The following FGF7 variants were observed in gnomAD, a reference collection of about 807,000 sequenced individuals.
The protein encoded by FGF7 is FGF-7.
FGF7 carries 6 observed loss-of-function variants against 20.5 expected under a neutral mutation model. The observed-to-expected ratio is 0.29, with a 90% confidence interval of 0.16 to 0.58. The LOEUF (loss-of-function observed/expected upper bound fraction) is 0.58. FGF7 is among the 20% of genes least tolerant of loss of function. The probability of loss-of-function intolerance (pLI) is 0.90; values close to 1 mark genes in which losing one functional copy is unlikely to be tolerated. For missense variants in FGF7, 144 were observed against 228.8 expected (o/e 0.63, Z 2.39); for synonymous variants, 64 against 74.7 (o/e 0.86, Z 0.74).
At chr15:49,463,042 A>G (rs919144425) in intron 2 of FGF7, among the ~76,000 whole-genome samples, 2 of 152,194 alleles carry the variant, frequency 1.3e-5, no homozygotes, top group Non-Finnish European at 2.9e-5. Context: ...TTCAGGATCT[A>G]TATGAACCAT....
intron 2 of FGF7, among the ~76,000 whole-genome samples, chr15:49,433,450 T>C (rs1053331289): frequency 4.0e-5 from 6 of 151,730 alleles, no homozygotes; most frequent in African/African-American, 1.5e-4. Flanking sequence ...ATCCTTTAAT[T>C]TATTACACAT....
chr15:49,479,013 G>T (rs757960356), intron 2 of FGF7, among the ~76,000 whole-genome samples: 49 of 152,056 alleles, frequency 3.2e-4, no homozygotes, highest in Non-Finnish European at 5.6e-4. Context: ...TTCATTCCAA[G>T]TGTGATACAG....
chr15:49,431,222 T>C (rs931367353), intron 2 of FGF7, among the ~76,000 whole-genome samples: 1 of 151,758 alleles, frequency 6.6e-6, no homozygotes, highest in African/African-American at 2.4e-5. Flanking sequence ...CTCAAATAGG[T>C]TGTAAATGAA....
In FGF7 at chr15:49,485,683, C is replaced by G. The variant is rs1004767045; in HGVS notation, c.*1179C>G. 2.0e-5 allele frequency: 3 copies of G among 152,324 alleles called. No individual in the cohort carries two copies. In the South Asian group the frequency reaches 6.2e-4, roughly 32 times the overall value. 9.4% of individuals were successfully genotyped at this position (152,324 alleles called of 1,614,324 possible). A position where few individuals can be genotyped will look rare whatever the true frequency, so the allele number is the denominator to read the frequency against. Reference sequence around the variant, plus strand: ...AATAGATGTCTCACACAGAACAATACAAATATGTAAAAAATCTTTCACCAC... The same window carrying G: ...AATAGATGTCTCACACAGAACAATAGAAATATGTAAAAAATCTTTCACCAC... On this transcript the variant is annotated 3_prime_UTR_variant, in exon 4 of 4. Transcript: ENST00000267843.
chr15:49,472,664 G>C (rs1470113755), intron 2 of FGF7, among the ~76,000 whole-genome samples: 1 of 152,142 alleles, frequency 6.6e-6, no homozygotes, highest in East Asian at 1.9e-4. Flanking sequence ...ACATCACAAT[G>C]AATGACATTA....
chr15:49,425,327 T>C (rs768195036), intron 2 of FGF7: 1 of 152,028 alleles, frequency 6.6e-6, no homozygotes, highest in Non-Finnish European at 1.5e-5. Context: ...CTTACATTTT[T>C]CCCAAGAATC....
intron 2 of FGF7, among the ~76,000 whole-genome samples, chr15:49,464,096 T>C (rs2054054197): frequency 6.6e-6 from 1 of 152,180 alleles, no homozygotes; most frequent in East Asian, 1.9e-4. Context: ...TTAGTTTCAT[T>C]GGCTAACTAC....
intron 2 of FGF7, among the ~76,000 whole-genome samples, chr15:49,437,184 G>A (rs937975922): frequency 1.3e-5 from 2 of 151,302 alleles, no homozygotes; most frequent in Admixed American, 1.3e-4. Context: ...ATATTAAATT[G>A]TATATATACA....
intron 2 of FGF7, among the ~76,000 whole-genome samples, chr15:49,440,193 T>G (rs1329970914): frequency 1.3e-5 from 2 of 151,826 alleles, no homozygotes; most frequent in African/African-American, 4.8e-5. Flanking sequence ...TTAAACCCAC[T>G]GTGTAAACAA....
chr15:49,487,087 A>G lies in FGF7; in HGVS notation c.*2583A>G, dbSNP rs2056457448. 1 of 151,894 alleles carries G rather than the reference A, an allele frequency of 6.6e-6. No homozygotes were observed. The highest frequency in any genetic ancestry group is 2.1e-4 in the South Asian group (1 of 4,826). The allele number at this position is 151,894 out of a possible 1,614,324, so 9.4% of individuals were successfully genotyped here. A position where few individuals can be genotyped will look rare whatever the true frequency, so the allele number is the denominator to read the frequency against. Reference sequence around the variant, plus strand: ...TTATTTCTGTTGAGATATAGCCTTTACATTTGTACACAAATGTGACTATGT... The same window carrying G: ...TTATTTCTGTTGAGATATAGCCTTTGCATTTGTACACAAATGTGACTATGT... On this transcript the variant is annotated 3_prime_UTR_variant, in exon 4 of 4. Coordinates refer to ENST00000267843, the MANE Select transcript of FGF7 (RefSeq NM_002009.4).
In FGF7 at chr15:49,451,227, C is replaced by A. The variant is rs866983667; in HGVS notation, c.286+26644C>A. ...CATTTAAAATTTTAACCAATTAGAG[C>A]TTGCCAATTTCTACAGAAAGTGTGA... is the stretch of plus-strand genomic sequence containing the variant. On this transcript the variant is annotated intron_variant, in intron 2 of 3. Coordinates refer to ENST00000267843, the MANE Select transcript of FGF7 (RefSeq NM_002009.4). Among the ~76,000 whole-genome samples the A allele has an allele frequency of 2.0e-5, 3 of 152,032 alleles. No homozygotes were observed. The East Asian group carries it at 5.8e-4, about 29-fold the overall frequency.
At chr15:49,433,978 C>G (rs1027418196) in intron 2 of FGF7, among the ~76,000 whole-genome samples, 2 of 151,686 alleles carry the variant, frequency 1.3e-5, no homozygotes, top group East Asian at 3.9e-4. Context: ...GGTCTGCCTA[C>G]TAATATTGAT....
chr15:49,433,716 G>A (rs1241916635), intron 2 of FGF7, among the ~76,000 whole-genome samples: 1 of 151,644 alleles, frequency 6.6e-6, no homozygotes, highest in Admixed American at 6.6e-5. Flanking sequence ...GGTGACACTG[G>A]AAGGTTGATT....
chr15:49,437,319 G>C (rs2051196356), intron 2 of FGF7, among the ~76,000 whole-genome samples: 1 of 151,602 alleles, frequency 6.6e-6, no homozygotes, highest in Non-Finnish European at 1.5e-5. Context: ...AAACAGCAGA[G>C]AGTTTGTTTT....
intron 2 of FGF7, among the ~76,000 whole-genome samples, chr15:49,445,352 A>G (rs979439363): frequency 2.6e-5 from 4 of 151,644 alleles, no homozygotes; most frequent in Non-Finnish European, 5.9e-5. Flanking sequence ...GCTCTTACTT[A>G]TAAGTGAAAA....
chr15:49,453,757 G>A (rs958483797), intron 2 of FGF7, among the ~76,000 whole-genome samples: 1 of 151,820 alleles, frequency 6.6e-6, no homozygotes, highest in Non-Finnish European at 1.5e-5. Flanking sequence ...GTATCTAATG[G>A]TCACTAGATA....
chr15:49,428,447 T>C (rs970741009), intron 2 of FGF7, among the ~76,000 whole-genome samples: 1 of 152,020 alleles, frequency 6.6e-6, no homozygotes, highest in African/African-American at 2.4e-5. Context: ...ATACTTCCAC[T>C]TTTGTTGTCA....
At chr15:49,475,964 C>G (rs2055224409) in intron 2 of FGF7, among the ~76,000 whole-genome samples, 1 of 152,176 alleles carries the variant, frequency 6.6e-6, no homozygotes, top group Admixed American at 6.5e-5. Context: ...TCCACCCTCT[C>G]ACTATTTTGT....
intron 2 of FGF7, among the ~76,000 whole-genome samples, chr15:49,450,750 A>G (rs558654430): frequency 1.9e-4 from 27 of 145,364 alleles, no homozygotes; most frequent in African/African-American, 6.2e-4. Context: ...CAAAACTAAT[A>G]ACACTGCGTT....
Sources: gnomAD v4.1 joint callset for allele counts (sites outside exome capture counted in the v4.1 genomes callset) on GRCh38, gnomAD v4.1.1 for gene constraint, MANE v1.5 for transcripts, NCBI Gene and HGNC (gene_info 2026-07-23, HGNC 2026-07-21) for gene names.